CDH4: variants seen among roughly 807,000 people sequenced by gnomAD.
CDH4 encodes the protein cadherin-4.
A neutral mutation model predicts 86.0 loss-of-function variants in CDH4; 33 were observed. The observed-to-expected ratio is 0.38, with a 90% CI of 0.29 to 0.51. The LOEUF (loss-of-function observed/expected upper bound fraction) is 0.51. Ranked by LOEUF, CDH4 falls within the 20% of genes least tolerant of loss-of-function variation. CDH4 has a pLI of 0.86. For missense variants in CDH4, 1,114 were observed against 1,307.4 expected (o/e 0.85, Z 2.28); for synonymous variants, 555 against 549.4 (o/e 1.01, Z -0.14).
chr20:61,529,760 A>G (rs1018741965), intron 2 of CDH4, among the ~76,000 whole-genome samples: 1 of 152,162 alleles, frequency 6.6e-6, no homozygotes, highest in Admixed American at 6.5e-5. Flanking sequence ...TGTCTTCAGA[A>G]CTTCTCGTTC....
At chr20:61,490,394 T>C (rs1341399297) in intron 2 of CDH4, among the ~76,000 whole-genome samples, 1 of 152,060 alleles carries the variant, frequency 6.6e-6, no homozygotes, top group African/African-American at 2.4e-5. Context: ...GCCAAACTAA[T>C]TGGTGGTTTA....
At chr20:61,586,967 G>T (rs1412835458) in intron 2 of CDH4, among the ~76,000 whole-genome samples, 1 of 152,240 alleles carries the variant, frequency 6.6e-6, no homozygotes, top group Non-Finnish European at 1.5e-5. Flanking sequence ...CACAGAGCTT[G>T]GAAGCAGAAG....
chr20:61,694,158 A>G (rs1873679173), intron 2 of CDH4, among the ~76,000 whole-genome samples: 1 of 152,062 alleles, frequency 6.6e-6, no homozygotes, highest in South Asian at 2.1e-4. Context: ...CTATGATCAC[A>G]GGTGTGAGCC....
At chr20:61,579,159 G>A (rs1288747303) in intron 2 of CDH4, among the ~76,000 whole-genome samples, 1 of 152,012 alleles carries the variant, frequency 6.6e-6, no homozygotes, top group Non-Finnish European at 1.5e-5. Flanking sequence ...GGACAAGTAG[G>A]TACTCACACT....
rs1036587905 is a variant in CDH4, at chr20:61,937,012, G to A, written c.*69G>A. ...GCCGGAGGAGCAGGACTGAGCAGAGGCGGCCGGTCTTCCCGACTCCCTGCG... is the reference window on the plus strand; with the variant it reads ...GCCGGAGGAGCAGGACTGAGCAGAGACGGCCGGTCTTCCCGACTCCCTGCG... On this transcript the variant is annotated 3_prime_UTR_variant, in exon 16 of 16. Coordinates refer to ENST00000614565, the MANE Select transcript of CDH4 (RefSeq NM_001794.5). 2.3e-5 allele frequency: 32 copies of A among 1,377,480 alleles called. No homozygotes were observed. The highest frequency in any genetic ancestry group is 4.1e-4 in the Middle Eastern group (2 of 4,836). The allele number at this position is 1,377,480 out of a possible 1,614,324, so 85.3% of individuals were successfully genotyped here. A position where few individuals can be genotyped will look rare whatever the true frequency, so the allele number is the denominator to read the frequency against.
chr20:61,565,314 TGGCGGTGCTCTTGGTG>T (rs1568688968), intron 2 of CDH4, among the ~76,000 whole-genome samples: 1 of 114,592 alleles, frequency 8.7e-6, no homozygotes, highest in Non-Finnish European at 2.0e-5. Context: ...CTCTTGGTGG[TGGCGGTGCTCTTGGTG>T]ATGGTGGTAG....
chr20:61,734,913 G>A (rs6121791), intron 2 of CDH4, among the ~76,000 whole-genome samples: 31,854 of 152,178 alleles, frequency 0.21, 3,615 homozygotes, highest in East Asian at 0.44. Flanking sequence ...GAGGCCCAGC[G>A]CAGACGATAG....
chr20:61,570,486 C>T, intron 2 of CDH4: 1 of 581,806 alleles, frequency 1.7e-6, no homozygotes, highest in Admixed American at 2.9e-5. Flanking sequence ...CTGGGTCTCC[C>T]TCGCAGCCCC....
At chr20:61,351,221 C>A (rs4812313) in intron 2 of CDH4, among the ~76,000 whole-genome samples, 4 of 151,882 alleles carry the variant, frequency 2.6e-5, no homozygotes, top group Non-Finnish European at 5.9e-5. Context: ...AAGAATTGTG[C>A]CTGTACTGAA....
chr20:61,379,438 G>A (rs898413345), intron 2 of CDH4, among the ~76,000 whole-genome samples: 14 of 152,092 alleles, frequency 9.2e-5, no homozygotes, highest in East Asian at 3.9e-4. Context: ...AGTTAGAGCC[G>A]TGACTTTCAC....
At chr20:61,469,754 A>G (rs1358896672) in intron 2 of CDH4, among the ~76,000 whole-genome samples, 1 of 152,046 alleles carries the variant, frequency 6.6e-6, no homozygotes, top group Non-Finnish European at 1.5e-5. Context: ...AGAGATAGGG[A>G]TCTGGTTCTA....
chr20:61,522,784 T>A (rs2085880969), intron 2 of CDH4, among the ~76,000 whole-genome samples: 1 of 152,212 alleles, frequency 6.6e-6, no homozygotes, highest in South Asian at 2.1e-4. Context: ...GGTGCCGGTG[T>A]GGCCTTATTA....
At chr20:61,317,948 T>C (rs146908533) in intron 2 of CDH4, among the ~76,000 whole-genome samples, 2 of 152,324 alleles carry the variant, frequency 1.3e-5, no homozygotes, top group Non-Finnish European at 2.9e-5. Context: ...AACTGTGAAG[T>C]GTTGTGCACA....
At chr20:61,477,069 G>A (rs548751414) in intron 2 of CDH4, among the ~76,000 whole-genome samples, 1 of 152,304 alleles carries the variant, frequency 6.6e-6, no homozygotes, top group East Asian at 1.9e-4. Flanking sequence ...CAGGGGCCAG[G>A]GAGGACGTGT....
intron 2 of CDH4, among the ~76,000 whole-genome samples, chr20:61,495,762 G>A (rs2085657155): frequency 6.6e-6 from 1 of 151,966 alleles, no homozygotes; most frequent in South Asian, 2.1e-4. Context: ...AATTAGCTGG[G>A]CATGGTTGCA....
chr20:61,858,537 CTGTG>C (rs1393556290), intron 6 of CDH4, among the ~76,000 whole-genome samples: 1 of 151,592 alleles, frequency 6.6e-6, no homozygotes, highest in Non-Finnish European at 1.5e-5. Flanking sequence ...GTGTCTGCGT[CTGTG>C]TGTGTGTCTG....
At chr20:61,871,870 G>A (rs1197197654) in intron 6 of CDH4, among the ~76,000 whole-genome samples, 5 of 152,192 alleles carry the variant, frequency 3.3e-5, no homozygotes, top group Non-Finnish European at 5.9e-5. Context: ...TTCATGAAAC[G>A]TGTCTGCTTT....
At chr20:61,327,216 T>G (rs1273772186) in intron 2 of CDH4, among the ~76,000 whole-genome samples, 1 of 152,240 alleles carries the variant, frequency 6.6e-6, no homozygotes. Flanking sequence ...TATGTGTGGC[T>G]ATATAAAAAT....
intron 2 of CDH4, among the ~76,000 whole-genome samples, chr20:61,391,883 C>T (rs1045395129): frequency 4.6e-5 from 7 of 151,942 alleles, no homozygotes; most frequent in South Asian, 4.2e-4. Context: ...ACAGCAGCTC[C>T]GGGGCCTGCA....
Sources: gnomAD v4.1 joint callset for allele counts (sites outside exome capture counted in the v4.1 genomes callset) on GRCh38, gnomAD v4.1.1 for gene constraint, MANE v1.5 for transcripts, NCBI Gene and HGNC (gene_info 2026-07-23, HGNC 2026-07-21) for gene names.